Variants in ATM observed in about 807,000 individuals in gnomAD.
The protein encoded by ATM is ATM serine/threonine kinase, also known as serine-protein kinase ATM.
ATM carries 308 observed loss-of-function variants against 387.0 expected under a neutral mutation model. The ratio of observed to expected loss-of-function variants is 0.80; its 90% CI spans 0.73 to 0.87. The LOEUF (loss-of-function observed/expected upper bound fraction) is 0.87, where lower values mean the gene tolerates loss of function less well. Among genes scored for constraint, ATM ranks in the 40% least tolerant of loss-of-function variants. ATM has a pLI of 0.00. For missense variants in ATM, 3,312 were observed against 3,560.9 expected, an observed-to-expected ratio of 0.93 and a Z score of 1.78; for synonymous variants, 1,156 against 1,187.3, an observed-to-expected ratio of 0.97 and a Z score of 0.54.
At chr11:108,295,361 C>CT (rs1319670072) in intron 32 of ATM, 3 of 346,720 alleles carry the variant, frequency 8.7e-6, no homozygotes, top group Admixed American at 4.5e-5. Flanking sequence ...GAGTCTCACT[C>CT]TGTCACCTAG....
chr11:108,292,281 C>T (rs570944089), intron 29 of ATM, among the ~76,000 whole-genome samples: 39 of 152,262 alleles, frequency 2.6e-4, no homozygotes, highest in African/African-American at 9.4e-4. Flanking sequence ...AGTAAAGTTA[C>T]CACAAAGCTT....
At chr11:108,256,534 A>G (rs542366285) in intron 14 of ATM, among the ~76,000 whole-genome samples, 194 bp downstream of exon 14, 1 of 152,264 alleles carries the variant, frequency 6.6e-6, no homozygotes, top group East Asian at 1.9e-4. Context: ...AATTATTATT[A>G]TACTTTAAGT....
At chr11:108,310,909 A>C (rs1442301086) in intron 39 of ATM, among the ~76,000 whole-genome samples, 1 of 152,222 alleles carries the variant, frequency 6.6e-6, no homozygotes, top group Non-Finnish European at 1.5e-5. Flanking sequence ...AACAAAAAAT[A>C]AGAAAGTAAG....
chr11:108,274,143 C>T (rs562318474), intron 22 of ATM, among the ~76,000 whole-genome samples: 1 of 152,166 alleles, frequency 6.6e-6, no homozygotes, highest in South Asian at 2.1e-4. Context: ...TCTAGATTTT[C>T]TAGTTTATTT....
rs730881335 is a variant in ATM at position 108,244,010 on chromosome 11, T to C, written c.554T>C (p.Val185Ala). The C allele has an allele frequency of 1.2e-6, 2 of 1,612,804 alleles. No homozygotes were observed. The highest frequency in any genetic ancestry group is 1.7e-6 in the Non-Finnish European group (2 of 1,179,466). Residue 185 changes from valine (V) to alanine (A), a missense_variant, in exon 6 of 63, where the codon GTT becomes GCT. Val to Ala is a moderately conservative substitution (Grantham distance 64, BLOSUM62 0). Coordinates refer to ENST00000675843, the MANE Select transcript of ATM (RefSeq NM_000051.4). ...AAACCTTCACAAGATGTTCATAGAG[T>C]TTTAGTGGCTAGAATAATTCATGCT... ...YLKPSQDVHRVLVARIIHAVT... is the reference protein window; with the variant it reads ...YLKPSQDVHRALVARIIHAVT...
chr11:108,347,239 G>C (rs2088531689), intron 58 of ATM, 40 bp from the exon 59 acceptor site: 1 of 1,380,936 alleles, frequency 7.2e-7, no homozygotes, highest in South Asian at 1.2e-5. Context: ...GAAAGAGATG[G>C]AATCAGTGAT....
rs172927 is a variant in ATM, at chr11:108,253,572, G to A, written c.1899-242G>A. On this transcript the variant is annotated intron_variant, in intron 12 of 62. Transcript: ENST00000675843. ...ACTTTCTGAATTTGCCTTTGAGATTGTAACTTGTATTTTTTCTCTATCTAT... is the reference window on the plus strand; with the variant it reads ...ACTTTCTGAATTTGCCTTTGAGATTATAACTTGTATTTTTTCTCTATCTAT... Among the ~76,000 whole-genome samples the A allele has an allele frequency of 0.5, 76,115 of 151,806 alleles. 20,384 individuals are homozygous for A. Among genetic ancestry groups the A allele is most frequent in the Middle Eastern group, 0.72 (213 of 294 alleles).
At chr11:108,265,962 G>A (rs1271064831) in intron 16 of ATM, among the ~76,000 whole-genome samples, 66 of 150,462 alleles carry the variant, frequency 4.4e-4, no homozygotes, top group African/African-American at 1.5e-3. Context: ...TAGAATGGCA[G>A]TCATTAAAAA....
At chr11:108,289,878 T>G in intron 29 of ATM, 77 bp downstream of exon 29, 3 of 1,433,640 alleles carry the variant, frequency 2.1e-6, no homozygotes, top group Non-Finnish European at 2.9e-6. Flanking sequence ...TGTTTTGTTT[T>G]GTTTTGAGAC....
At chr11:108,355,745 A>T (rs553949113) in intron 61 of ATM, 4 of 152,348 alleles carry the variant, frequency 2.6e-5, no homozygotes, top group African/African-American at 7.2e-5. Flanking sequence ...GAATATGTGC[A>T]TTTTTAAAAA....
At position 108,328,605 on chromosome 11, in the gene ATM, C is replaced by G. The variant is rs572321335; in HGVS notation, c.7090-416C>G. On this transcript the variant is annotated intron_variant, in intron 48 of 62. Coordinates refer to ENST00000675843, the MANE Select transcript of ATM (RefSeq NM_000051.4). ...TTGCAGAGTTCTTTACAAGTATTAG[C>G]TGTCTGGGTTATTTCTACACTGTCA... Among the ~76,000 whole-genome samples, 12 of 152,268 alleles carry G rather than the reference C, an allele frequency of 7.9e-5. No homozygotes were observed. The South Asian group carries it at 2.5e-3, about 32-fold the overall frequency.
In ATM at chr11:108,321,259, CTCT is replaced by C. The variant is rs1316006415; in HGVS notation, c.6453-37_6453-35del. 1.9e-6 allele frequency: 3 copies of C among 1,611,746 alleles called. No homozygotes were observed. The Admixed American group carries it at 5.0e-5, about 27-fold the overall frequency. ...TTTAAACATTTATTTCCCTGAAAAC[CTCT>C]TCTTTATTTTCAGAGTGTCTTTTCT... On this transcript the variant is annotated intron_variant, in intron 44 of 62. Transcript: ENST00000675843.
chr11:108,325,493 C>G lies in ATM; in HGVS notation c.6756C>G (p.Thr2252=), dbSNP rs1008212556. The G allele has an allele frequency of 1.2e-6, 2 of 1,613,262 alleles. No homozygotes were observed. The change falls in exon 46 of 63, where the codon ACC becomes ACG. Residue 2252 remains threonine (T), a synonymous_variant. Transcript: ENST00000675843. ...GAGAATGTATTAAGGACATTCTCAC[C>G]AAACACCTTGTAGAACTCTCTATAC... ...SQRECIKDIL[T]KHLVELSILA... is the part of the protein sequence containing the mutation.
intron 5 of ATM, among the ~76,000 whole-genome samples, chr11:108,239,192 A>G (rs2135166794): frequency 6.6e-6 from 1 of 152,286 alleles, no homozygotes; most frequent in East Asian, 1.9e-4. Context: ...CAGAGAGCTA[A>G]CTTGCTGTCT....
rs35211268 is a variant in ATM, at chr11:108,254,051, TA to T, written c.2124+19del. On this transcript the variant is annotated intron_variant, in intron 13 of 62. Transcript: ENST00000675843. ...ATTACTCATCTGAGGTGAGATTTTT[TA>T]AAAAAAGAACTAAGCTTATATATGA... 8 of 1,610,594 alleles carry T rather than the reference TA, an allele frequency of 5.0e-6. No individual in the cohort carries two copies. The Admixed American group carries it at 5.0e-5, about 10-fold the overall frequency.
intron 16 of ATM, among the ~76,000 whole-genome samples, chr11:108,260,191 C>T (rs1215503596): frequency 1.3e-5 from 2 of 152,012 alleles, no homozygotes; most frequent in Non-Finnish European, 2.9e-5. Flanking sequence ...TGTGCCACCA[C>T]AACCGGCTAA....
chr11:108,290,678 C>T (rs1272182367), intron 29 of ATM: 5 of 142,630 alleles, frequency 3.5e-5, no homozygotes, highest in Non-Finnish European at 6.1e-5. Flanking sequence ...GAAAATTATC[C>T]AAGTATGATG....
intron 22 of ATM, among the ~76,000 whole-genome samples, chr11:108,275,267 A>G (rs2081875897): frequency 6.6e-6 from 1 of 152,050 alleles, no homozygotes; most frequent in Admixed American, 6.6e-5. Flanking sequence ...TGCATGTGAG[A>G]TGGGTCCCCT....
chr11:108,333,864 A>T, intron 53 of ATM, 22 bp from the exon 54 acceptor site: 3 of 1,564,524 alleles, frequency 1.9e-6, no homozygotes, highest in Non-Finnish European at 2.6e-6. Flanking sequence ...TGTCACTAAA[A>T]TCTCTTCATT....
Sources: allele counts gnomAD v4.1 joint callset (sites outside exome capture counted in the v4.1 genomes callset), GRCh38; gene constraint gnomAD v4.1.1; transcripts MANE v1.5; gene names NCBI Gene and HGNC (gene_info 2026-07-23, HGNC 2026-07-21).